The following CCPG1 variants were observed in gnomAD, a reference collection of about 807,000 sequenced individuals.
The protein encoded by CCPG1 is cell cycle progression 1.
In CCPG1, 46 loss-of-function variants were observed where a neutral mutation model predicts 81.3. That is an observed-to-expected ratio of 0.57 (90% confidence interval 0.45 to 0.72). The LOEUF (loss-of-function observed/expected upper bound fraction) is 0.72. Ranked by LOEUF, CCPG1 falls within the 30% of genes least tolerant of loss-of-function variation. The probability of loss-of-function intolerance (pLI) is 0.00; values close to 1 mark genes in which losing one functional copy is unlikely to be tolerated. For synonymous variants in CCPG1, 330 were observed against 305.2 expected, an observed-to-expected ratio of 1.08 and a Z score of -0.85; for missense variants, 902 against 937.6, an observed-to-expected ratio of 0.96 and a Z score of 0.50.
intron 1 of CCPG1, among the ~76,000 whole-genome samples, chr15:55,396,877 T>C (rs1310054432): frequency 6.6e-6 from 1 of 152,080 alleles, no homozygotes; most frequent in East Asian, 1.9e-4. Flanking sequence ...GAGGCCTGTG[T>C]GGATCGCCTA....
intron 1 of CCPG1, among the ~76,000 whole-genome samples, chr15:55,391,384 G>A (rs868319205): frequency 1.3e-5 from 2 of 152,204 alleles, no homozygotes; most frequent in Non-Finnish European, 2.9e-5. Flanking sequence ...CCAAAGCGCT[G>A]GGATTACAGG....
intron 8 of CCPG1, chr15:55,357,319 T>C (rs2056100919): frequency 1.0e-6 from 1 of 984,988 alleles, no homozygotes; most frequent in Non-Finnish European, 1.2e-6. Flanking sequence ...GTTACTATTT[T>C]CCAAATGTTT....
At chr15:55,380,472 T>C (rs1000383328) in intron 3 of CCPG1, among the ~76,000 whole-genome samples, 3 of 151,538 alleles carry the variant, frequency 2.0e-5, no homozygotes, top group East Asian at 4.1e-4. Flanking sequence ...ATTTTTTGTA[T>C]TTTTAGTACA....
At chr15:55,399,417 C>CAAAAAAAAAAA (rs56191750) in intron 1 of CCPG1, among the ~76,000 whole-genome samples, 32 of 62,982 alleles carry the variant, frequency 5.1e-4, no homozygotes, top group Non-Finnish European at 7.7e-4. Flanking sequence ...ACTAAAAATA[C>CAAAAAAAAAAA]AAAAAAAAAA....
chr15:55,377,302 G>C, intron 4 of CCPG1, 152 bp from the exon 5 acceptor site: 1 of 628,954 alleles, frequency 1.6e-6, no homozygotes, highest in East Asian at 2.8e-5. Flanking sequence ...GCAATAGCAG[G>C]CTCATCATAT....
chr15:55,359,905 T>C lies in CCPG1; in HGVS notation c.1868A>G (p.His623Arg), dbSNP rs201697274. 52 of 1,613,698 alleles carry C rather than the reference T, an allele frequency of 3.2e-5. No individual in the cohort carries two copies. The highest frequency in any genetic ancestry group is 4.3e-5 in the Non-Finnish European group (51 of 1,179,984). ...SPGHDCRENSHSFRKACSGVF... is the reference protein window; with the variant it reads ...SPGHDCRENSRSFRKACSGVF... The stretch of plus-strand genomic sequence containing the variant: ...ACCAGAACAAGCCTTTCTGAAAGAA[T>C]GAGAATTTTCTCTACAATCATGCCC... The change falls in exon 8 of 9, where the codon CAT becomes CGT. Residue 623 changes from histidine (H) to arginine (R), a missense_variant. Physicochemically the swap from His to Arg is conservative, Grantham distance 29. Transcript: ENST00000442196.
intron 1 of CCPG1, among the ~76,000 whole-genome samples, chr15:55,399,544 G>A (rs1422743019): frequency 6.6e-6 from 1 of 151,778 alleles, no homozygotes. Flanking sequence ...AGCCAAGATT[G>A]TGCCACTGCA....
rs1279937630 is a variant in CCPG1 at position 55,385,726 on chromosome 15, T to C, written c.61-12A>G. On this transcript the variant is annotated splice_polypyrimidine_tract_variant and intron_variant, in intron 2 of 8. Transcript: ENST00000442196. ...TCTATATCTGACCCCTAAGGAAAAG[T>C]GATAATCTTTCAGTTATTTGCCTAT... 9 of 1,437,796 alleles carry C rather than the reference T, an allele frequency of 6.3e-6. No homozygotes were observed. The Admixed American group carries it at 8.4e-5, about 13-fold the overall frequency. The allele number at this position is 1,437,796 out of a possible 1,614,324, so 89.1% of individuals were successfully genotyped here. A position where few individuals can be genotyped will look rare whatever the true frequency, so the allele number is the denominator to read the frequency against.
chr15:55,355,588 A>G lies in CCPG1; in HGVS notation c.*632T>C, dbSNP rs11732. On this transcript the variant is annotated 3_prime_UTR_variant, in exon 9 of 9. Transcript: ENST00000442196. ...TGAGGAAATGTATAAAATACCACAT[A>G]GTATAAAATTACATGTTAATACAAT... The G allele has an allele frequency of 0.12, 60,201 of 522,912 alleles. 6,197 individuals are homozygous for G. Among genetic ancestry groups the G allele is most frequent in the African/African-American group, 0.4 (20,683 of 51,262 alleles). The allele number at this position is 522,912 out of a possible 1,614,324, so 32.4% of individuals were successfully genotyped here. A position where few individuals can be genotyped will look rare whatever the true frequency, so the allele number is the denominator to read the frequency against.
At chr15:55,406,404 G>A (rs773747039) in intron 1 of CCPG1, among the ~76,000 whole-genome samples, 72 of 146,176 alleles carry the variant, frequency 4.9e-4, no homozygotes, top group Non-Finnish European at 1.0e-3. Flanking sequence ...TTATAACTGT[G>A]AATATCCTTT....
intron 7 of CCPG1, 142 bp from the exon 8 acceptor site, chr15:55,361,086 T>G: frequency 1.1e-6 from 1 of 881,644 alleles, no homozygotes; most frequent in Non-Finnish European, 1.6e-6. Context: ...TTCAATAGTA[T>G]AAACATTGGG....
chr15:55,367,829 C>T (rs774625130), intron 6 of CCPG1, among the ~76,000 whole-genome samples: 11 of 152,114 alleles, frequency 7.2e-5, no homozygotes, highest in Non-Finnish European at 1.2e-4. Flanking sequence ...CTTCAATGTC[C>T]CTTATTCCAT....
chr15:55,386,447 T>C (rs1361076129), intron 2 of CCPG1, among the ~76,000 whole-genome samples: 2 of 152,226 alleles, frequency 1.3e-5, no homozygotes, highest in African/African-American at 4.8e-5. Flanking sequence ...GATCATACAA[T>C]TTTTCTTTGT....
At position 55,360,140 on chromosome 15, in the gene CCPG1, C is replaced by T; in HGVS notation, c.1633G>A (p.Asp545Asn). ...CCAAATCTTTTATTACCCTTTTCAT[C>T]AAAGATATTCTTGGTGGTATCTTTA... ...HFKDTTKNIF[D>N]EKGNKRFGAT... Residue 545 changes from aspartate to asparagine, a missense_variant, in exon 8 of 9, where the codon GAT becomes AAT. By Grantham distance (23) the Asp-to-Asn change is conservative (BLOSUM62 1). Transcript: ENST00000442196. The T allele has an allele frequency of 6.2e-7, 1 of 1,613,476 alleles. No homozygotes were observed. The highest frequency in any genetic ancestry group is 8.5e-7 in the Non-Finnish European group (1 of 1,179,878).
Position 55,385,656 on chromosome 15 carries a change from G to C in CCPG1, c.119C>G (p.Pro40Arg). 1 of 1,612,528 alleles carries C rather than the reference G, an allele frequency of 6.2e-7. No homozygotes were observed. The highest frequency in any genetic ancestry group is 1.1e-5 in the South Asian group (1 of 90,996). The change falls in exon 3 of 9, where the codon CCA (proline) becomes CGA (arginine). Residue 40 changes from proline (P) to arginine (R), a missense_variant. Around this residue, in one of 3 missense-constraint regions of CCPG1, gnomAD observed 746 missense variants for 728.6 expected, o/e 1.02. Coordinates refer to ENST00000442196, the MANE Select transcript of CCPG1 (RefSeq NM_001204450.2). ...VTPTDSCEPA[P>R]ECSSLEQEEL... ...CTCTTGCTCTAAAGATGAACATTCTGGGGCGGGCTCACAGCTGTCAGTGGG... is the reference window on the plus strand; with the variant it reads ...CTCTTGCTCTAAAGATGAACATTCTCGGGCGGGCTCACAGCTGTCAGTGGG...
intron 4 of CCPG1, 82 bp from the exon 5 acceptor site, chr15:55,377,232 G>A (rs1267729744): frequency 1.1e-6 from 1 of 910,960 alleles, no homozygotes; most frequent in East Asian, 2.5e-5. Context: ...ACAGTAGTAA[G>A]TATTATAGTC....
chr15:55,372,011 C>G lies in CCPG1; in HGVS notation c.488G>C (p.Ser163Thr), dbSNP rs2056459479. ...FSSQPSDDES[S>T]SDETSNQPSP... ...GGGCTGATTACTGGTTTCATCACTA[C>G]TTGATTCATCGTCACTAGGCTGAGA... Residue 163 changes from serine (S) to threonine (T), a missense_variant, in exon 6 of 9, where the codon AGT (serine) becomes ACT (threonine). By Grantham distance (58) the Ser-to-Thr change is moderately conservative. Around this residue, in one of 3 missense-constraint regions of CCPG1, gnomAD observed 746 missense variants for 728.6 expected, o/e 1.02. Transcript: ENST00000442196. The G allele has an allele frequency of 6.2e-7, 1 of 1,614,004 alleles. No individual in the cohort carries two copies. The highest frequency in any genetic ancestry group is 1.1e-5 in the South Asian group (1 of 91,074).
chr15:55,383,112 C>T (rs1374710763), intron 3 of CCPG1, among the ~76,000 whole-genome samples: 1 of 152,156 alleles, frequency 6.6e-6, no homozygotes, highest in Non-Finnish European at 1.5e-5. Context: ...ACCTGAAAGT[C>T]AAAACTACTC....
chr15:55,381,081 G>C (rs927379126), intron 3 of CCPG1, among the ~76,000 whole-genome samples: 1 of 151,760 alleles, frequency 6.6e-6, no homozygotes, highest in Non-Finnish European at 1.5e-5. Flanking sequence ...AGCTTGCAGC[G>C]AGCCGAGATC....
Sources: allele counts gnomAD v4.1 joint callset (sites outside exome capture counted in the v4.1 genomes callset), GRCh38; gene constraint gnomAD v4.1.1; regional missense constraint gnomAD v4.1.1; transcripts MANE v1.5; gene names NCBI Gene and HGNC (gene_info 2026-07-23, HGNC 2026-07-21).